The following CREB3L2 variants were observed in gnomAD, a reference collection of about 807,000 sequenced individuals.
The protein encoded by CREB3L2 is cAMP responsive element binding protein 3 like 2, also known as cyclic AMP-responsive element-binding protein 3-like protein 2.
In CREB3L2, 23 loss-of-function variants were observed where a neutral mutation model predicts 57.2. That is an observed-to-expected ratio of 0.40 (90% CI 0.29 to 0.57). CREB3L2 has a LOEUF of 0.57. Among genes scored for constraint, CREB3L2 ranks in the 20% least tolerant of loss-of-function variants. The pLI is 0.42. For missense variants in CREB3L2, 628 were observed against 634.7 expected, an observed-to-expected ratio of 0.99 and a Z score of 0.11; for synonymous variants, 268 against 265.1, an observed-to-expected ratio of 1.01 and a Z score of -0.11.
chr7:137,889,816 A>G (rs1472945167), intron 8 of CREB3L2, among the ~76,000 whole-genome samples: 1 of 152,190 alleles, frequency 6.6e-6, no homozygotes, highest in African/African-American at 2.4e-5. Flanking sequence ...AAAATGAACA[A>G]TGACAGAGTA....
At chr7:137,985,257 T>G (rs1177812484) in intron 1 of CREB3L2, among the ~76,000 whole-genome samples, 2 of 152,178 alleles carry the variant, frequency 1.3e-5, no homozygotes, top group African/African-American at 4.8e-5. Context: ...GAGAGCAACT[T>G]AGAACCTGAT....
chr7:137,971,570 A>G (rs901729549), intron 1 of CREB3L2, among the ~76,000 whole-genome samples: 1 of 152,150 alleles, frequency 6.6e-6, no homozygotes, highest in Non-Finnish European at 1.5e-5. Flanking sequence ...AGTGCACACA[A>G]AACACCGGTC....
chr7:137,954,165 G>A (rs1801161160), intron 1 of CREB3L2, among the ~76,000 whole-genome samples: 2 of 152,124 alleles, frequency 1.3e-5, no homozygotes, highest in East Asian at 1.9e-4. Flanking sequence ...CTACGCATGA[G>A]GGATAACTAA....
At chr7:137,972,268 G>A (rs936918499) in intron 1 of CREB3L2, among the ~76,000 whole-genome samples, 4 of 151,860 alleles carry the variant, frequency 2.6e-5, no homozygotes, top group Non-Finnish European at 4.4e-5. Context: ...GTGAAACCCC[G>A]TCTCTACTAA....
At chr7:137,914,022 C>T (rs1222564540) in intron 3 of CREB3L2, among the ~76,000 whole-genome samples, 2 of 152,010 alleles carry the variant, frequency 1.3e-5, no homozygotes, top group Admixed American at 6.6e-5. Context: ...GCACTTAAAT[C>T]GAGTCAATCA....
chr7:137,996,304 T>C lies in CREB3L2; in HGVS notation c.102+5300A>G, dbSNP rs112812688. On this transcript the variant is annotated intron_variant, in intron 1 of 11. Coordinates refer to ENST00000330387, the MANE Select transcript of CREB3L2 (RefSeq NM_194071.4). Reference sequence around the variant, plus strand: ...AGGGATGAAATTGGAAAGAGAACATTACAGTGAACACTTGATGTCTAAGAA... The same window carrying C: ...AGGGATGAAATTGGAAAGAGAACATCACAGTGAACACTTGATGTCTAAGAA... 2.3e-3 allele frequency among the ~76,000 whole-genome samples: 346 copies of C among 152,306 alleles called. 3 individuals carry two copies. The highest frequency in any genetic ancestry group is 8.0e-3 in the African/African-American group (332 of 41,576).
intron 2 of CREB3L2, among the ~76,000 whole-genome samples, chr7:137,918,513 CCTGCCCACACTGAGTAATATT>C (rs1800200520): frequency 6.6e-6 from 1 of 151,964 alleles, no homozygotes; most frequent in East Asian, 1.9e-4. Context: ...ACACTTAAAG[CCTGCCCACACTGAGTAATATT>C]TATCCCTGGC....
At chr7:137,896,353 G>A (rs1799628210) in intron 8 of CREB3L2, among the ~76,000 whole-genome samples, 1 of 152,184 alleles carries the variant, frequency 6.6e-6, no homozygotes, top group Non-Finnish European at 1.5e-5. Context: ...CCAGGTTAGA[G>A]TGCAATGGCG....
intron 1 of CREB3L2, among the ~76,000 whole-genome samples, chr7:137,936,675 C>A (rs1191325705): frequency 6.6e-6 from 1 of 152,188 alleles, no homozygotes; most frequent in South Asian, 2.1e-4. Context: ...CACAGCCCAG[C>A]ATTTCAGGAG....
intron 8 of CREB3L2, among the ~76,000 whole-genome samples, chr7:137,895,932 A>G (rs273939): frequency 0.71 from 107,553 of 152,026 alleles, 38,155 homozygotes; most frequent in Admixed American, 0.76. Context: ...GCCTCTGAAG[A>G]ATGATAATAT....
At chr7:137,975,953 G>A (rs911497154) in intron 1 of CREB3L2, among the ~76,000 whole-genome samples, 6 of 152,212 alleles carry the variant, frequency 3.9e-5, no homozygotes, top group Non-Finnish European at 8.8e-5. Context: ...AAGACACTGA[G>A]TGGGAGGCCG....
chr7:137,960,445 TA>T (rs1383374630), intron 1 of CREB3L2, among the ~76,000 whole-genome samples: 1 of 151,620 alleles, frequency 6.6e-6, no homozygotes, highest in African/African-American at 2.4e-5. Flanking sequence ...AGAGAGAAAA[TA>T]AAAGAAAGAA....
intron 8 of CREB3L2, among the ~76,000 whole-genome samples, chr7:137,899,106 AAGGAAGGAAGGAAG>A (rs1799692335): frequency 2.5e-5 from 1 of 40,512 alleles, no homozygotes; most frequent in African/African-American, 7.1e-5. Flanking sequence ...AGAAGGAAGG[AAGGAAGGAAGGAAG>A]GAAGGAAGGA....
chr7:137,976,196 A>ACCTCCTTG (rs1801605115), intron 1 of CREB3L2, among the ~76,000 whole-genome samples: 1 of 152,088 alleles, frequency 6.6e-6, no homozygotes, highest in Admixed American at 6.5e-5. Flanking sequence ...TCTCAGTTGG[A>ACCTCCTTG]CCTCCTTGGG....
chr7:137,887,292 T>C (rs1030666507), intron 8 of CREB3L2, among the ~76,000 whole-genome samples: 3 of 152,150 alleles, frequency 2.0e-5, no homozygotes, highest in African/African-American at 7.2e-5. Context: ...TTCTCCCAAT[T>C]TGAGCAAATT....
At position 137,973,175 on chromosome 7, in the gene CREB3L2, G is replaced by GA. The variant is rs56720528; in HGVS notation, c.102+28428dup. Among the ~76,000 whole-genome samples, 576 of 129,844 alleles carry GA rather than the reference G, an allele frequency of 4.4e-3. 4 individuals are homozygous for GA. Among genetic ancestry groups the GA allele is most frequent in the South Asian group, 0.016 (65 of 4,038 alleles). The allele number at this position is 129,844 out of a possible 152,430, so 85.2% of individuals were successfully genotyped here. A position where few individuals can be genotyped will look rare whatever the true frequency, so the allele number is the denominator to read the frequency against. On this transcript the variant is annotated intron_variant, in intron 1 of 11. Transcript: ENST00000330387. ...CTAAAACTTAAAGTGTAATAATAAT[G>GA]AAAAAAAAAAAAAAAGAAATAGCAT...
At position 137,928,256 on chromosome 7, in the gene CREB3L2, C is replaced by T. The variant is rs1020079280; in HGVS notation, c.213G>A (p.Thr71=). Residue 71 remains threonine, a synonymous_variant, in exon 2 of 12, where the codon ACG becomes ACA. Transcript: ENST00000330387. The part of the protein sequence containing the change: ...SVSMEVEPSP[T]SPAPLIQAEH... The stretch of plus-strand genomic sequence containing the variant: ...CAGCCTGGATGAGAGGCGCCGGGGA[C>T]GTCGGGGAAGGTTCCACCTCCATTG... 46 of 1,613,652 alleles carry T rather than the reference C, an allele frequency of 2.9e-5. No homozygotes were observed. Among genetic ancestry groups the T allele is most frequent in the Non-Finnish European group, 3.6e-5 (42 of 1,179,816 alleles).
At chr7:137,935,566 C>T (rs188996460) in intron 1 of CREB3L2, among the ~76,000 whole-genome samples, 3 of 152,268 alleles carry the variant, frequency 2.0e-5, no homozygotes, top group East Asian at 1.9e-4. Context: ...TATCTTATCA[C>T]TAGGCCTTCC....
At chr7:137,923,300 C>T (rs529623538) in intron 2 of CREB3L2, among the ~76,000 whole-genome samples, 6 of 152,284 alleles carry the variant, frequency 3.9e-5, no homozygotes, top group African/African-American at 1.2e-4. Flanking sequence ...GGAAACATCA[C>T]TATTGTTTTT....
Sources: gnomAD v4.1 joint callset for allele counts (sites outside exome capture counted in the v4.1 genomes callset) on GRCh38, gnomAD v4.1.1 for gene constraint, MANE v1.5 for transcripts, NCBI Gene and HGNC (gene_info 2026-07-23, HGNC 2026-07-21) for gene names.